Variants in RNASEH1 observed in about 807,000 individuals in gnomAD.
The protein encoded by RNASEH1 is ribonuclease H1.
A neutral mutation model predicts 34.6 loss-of-function variants in RNASEH1; 27 were observed. The ratio of observed to expected loss-of-function variants is 0.78; its 90% CI spans 0.58 to 1.08. RNASEH1 has a LOEUF of 1.08. Ranked by LOEUF, RNASEH1 falls within the 50% of genes least tolerant of loss-of-function variation. The probability of loss-of-function intolerance (pLI) is 0.00; values close to 1 mark genes in which losing one functional copy is unlikely to be tolerated. For synonymous variants in RNASEH1, 162 were observed against 138.4 expected (o/e 1.17, Z -1.20); for missense variants, 349 against 373.6 (o/e 0.93, Z 0.54).
chr2:3,557,672 C>A (rs1282134882), intron 1 of RNASEH1: 1 of 405,576 alleles, frequency 2.5e-6, no homozygotes, highest in Admixed American at 2.9e-5. Context: ...TAATCCCTCT[C>A]ACCTCCAAGG....
chr2:3,536,298 G>A, the RNASEH1 span, among the ~76,000 whole-genome samples: 1 of 152,194 alleles, frequency 6.6e-6, no homozygotes, highest in African/African-American at 2.4e-5. Flanking sequence ...GAGCTGACTC[G>A]GCTGCAGTTT....
intron 7 of RNASEH1, 147 bp from the exon 8 acceptor site, chr2:3,546,018 C>T (rs900911845): frequency 3.1e-6 from 2 of 645,370 alleles, no homozygotes; most frequent in African/African-American, 1.8e-5. Flanking sequence ...TGATCCTCAA[C>T]AGCACGCTGT....
rs1414213180 is a variant in RNASEH1, at chr2:3,541,934, C to T, written c.*3851G>A. ...TTGGGAGGCCAAGGAAGGAGGATCG[C>T]TTGAGGCCAGGAGTTTAAGACCAGC... is the stretch of plus-strand genomic sequence containing the variant. On this transcript the variant is annotated 3_prime_UTR_variant, in exon 8 of 8. Coordinates refer to ENST00000315212, the MANE Select transcript of RNASEH1 (RefSeq NM_002936.6). Among the ~76,000 whole-genome samples the T allele has an allele frequency of 6.6e-6, 1 of 152,200 alleles. No homozygotes were observed. Among genetic ancestry groups the T allele is most frequent in the Non-Finnish European group, 1.5e-5 (1 of 68,048 alleles).
At chr2:3,555,377 C>T (rs1299410550) in intron 2 of RNASEH1, among the ~76,000 whole-genome samples, 2 of 152,188 alleles carry the variant, frequency 1.3e-5, no homozygotes, top group African/African-American at 4.8e-5. Flanking sequence ...TAAGAACTGT[C>T]ACATCGATGA....
At chr2:3,531,930 C>T in the RNASEH1 span, 3 of 266,184 alleles carry the variant, frequency 1.1e-5, no homozygotes, top group Non-Finnish European at 2.2e-5. Flanking sequence ...GTTGTAGAAG[C>T]CCAAATACCA....
intron 4 of RNASEH1, chr2:3,550,154 A>G (rs1438226033): frequency 2.1e-6 from 1 of 465,674 alleles, no homozygotes; most frequent in African/African-American, 2.0e-5. Context: ...AAAAAAAAAA[A>G]AAAAAAAAAA....
At chr2:3,548,101 C>T (rs372627799) in intron 6 of RNASEH1, 46 bp from the exon 7 acceptor site, 203 of 1,608,494 alleles carry the variant, frequency 1.3e-4, no homozygotes, top group Non-Finnish European at 1.7e-4. Context: ...GAGTGTCCTG[C>T]CTTTTTCACC....
Position 3,558,262 on chromosome 2 carries a change from G to A in RNASEH1, c.-2C>T. On this transcript the variant is annotated 5_prime_UTR_variant, in exon 1 of 8. Transcript: ENST00000315212. ...GGCCAGGAACAGAAGCCAGCTCATCGCTCACTCCCGGCACCGGGAAGCATT... is the reference window on the plus strand; with the variant it reads ...GGCCAGGAACAGAAGCCAGCTCATCACTCACTCCCGGCACCGGGAAGCATT... 1.3e-6 allele frequency: 2 copies of A among 1,577,926 alleles called. No individual in the cohort carries two copies. Among genetic ancestry groups the A allele is most frequent in the Non-Finnish European group, 1.7e-6 (2 of 1,165,878 alleles).
chr2:3,550,602 T>G (rs1250616878), intron 3 of RNASEH1, 130 bp from the exon 4 acceptor site: 2 of 700,486 alleles, frequency 2.9e-6, no homozygotes, highest in Non-Finnish European at 2.6e-6. Flanking sequence ...ACGTTTTCTC[T>G]CTAGGAAAAC....
In RNASEH1 at chr2:3,544,203, C is replaced by T. The variant is rs1668538397; in HGVS notation, c.*1582G>A. Among the ~76,000 whole-genome samples, 1 of 152,228 alleles carries T rather than the reference C, an allele frequency of 6.6e-6. No individual in the cohort carries two copies. Among genetic ancestry groups the T allele is most frequent in the African/African-American group, 2.4e-5 (1 of 41,458 alleles). ...GGCACTGAGCATCAGCTGCCGTCAA[C>T]ATGGTACTTTCCTGAGGAAAGCTCC... On this transcript the variant is annotated 3_prime_UTR_variant, in exon 8 of 8. Transcript: ENST00000315212.
At chr2:3,536,667 C>T (rs1239056835), downstream of RNASEH1, 1 of 152,282 alleles carries the variant, frequency 6.6e-6, no homozygotes, top group Non-Finnish European at 1.5e-5. Context: ...TGAATAATGC[C>T]TCTTCACACC....
chr2:3,556,370 A>G (rs1660497992), intron 2 of RNASEH1, among the ~76,000 whole-genome samples: 1 of 149,706 alleles, frequency 6.7e-6, no homozygotes, highest in African/African-American at 2.5e-5. Flanking sequence ...CAGTGGTGCA[A>G]TCTCGGCTCA....
chr2:3,550,478 G>C lies in RNASEH1; in HGVS notation c.410-6C>G, dbSNP rs1335289371. On this transcript the variant is annotated splice_polypyrimidine_tract_variant and splice_region_variant and intron_variant, in intron 3 of 7. Coordinates refer to ENST00000315212, the MANE Select transcript of RNASEH1 (RefSeq NM_002936.6). ...GTAGACGACGACGAAGTCTCCTGTG[G>C]GAAAAGGAAGTACATGCTGCTGGGC... 1 of 1,609,826 alleles carries C rather than the reference G, an allele frequency of 6.2e-7. No individual in the cohort carries two copies. Among genetic ancestry groups the C allele is most frequent in the Admixed American group, 1.7e-5 (1 of 59,974 alleles).
rs767906431 is a variant in RNASEH1, at chr2:3,552,254, C to T, written c.299G>A (p.Arg100His). 29 of 1,613,890 alleles carry T rather than the reference C, an allele frequency of 1.8e-5. No homozygotes were observed. Among genetic ancestry groups the T allele is most frequent in the Middle Eastern group, 3.3e-4 (2 of 6,006 alleles). ...ESEAKASKRL[R>H]EPLDGDGHES... The stretch of plus-strand genomic sequence containing the variant: ...ATGTCCATCTCCATCCAGTGGCTCA[C>T]GGAGTCGCTTGCTGGCTTTCGCCTC... Residue 100 changes from arginine (R) to histidine (H), a missense_variant, in exon 3 of 8, where the codon CGT (arginine) becomes CAT (histidine). Physicochemically the swap from Arg to His is conservative, Grantham distance 29. This residue lies in a region of RNASEH1 where 256 missense variants were observed against 240.7 expected (regional missense o/e 1.06). Transcript: ENST00000315212.
At chr2:3,550,290 A>C in intron 4 of RNASEH1, 83 bp downstream of exon 4, 1 of 1,172,918 alleles carries the variant, frequency 8.5e-7, no homozygotes, top group Non-Finnish European at 1.3e-6. Flanking sequence ...TTTTCCCAAT[A>C]ATCAAACAAT....
chr2:3,549,346 G>A (rs763352465), intron 4 of RNASEH1, among the ~76,000 whole-genome samples: 6 of 152,192 alleles, frequency 3.9e-5, no homozygotes, highest in South Asian at 2.1e-4. Flanking sequence ...GGTTCTCTGC[G>A]GACCCTGGGT....
At chr2:3,549,155 A>ATG (rs908282116) in intron 4 of RNASEH1, 43 bp from the exon 5 acceptor site, 2 of 1,412,944 alleles carry the variant, frequency 1.4e-6, no homozygotes, top group Non-Finnish European at 2.0e-6. Context: ...TATAAAGTGA[A>ATG]TTCTCAAAGT....
rs982497791 is a variant in RNASEH1 at position 3,548,962 on chromosome 2, T to A, written c.564+96A>T. 14 of 1,034,206 alleles carry A rather than the reference T, an allele frequency of 1.4e-5. No homozygotes were observed. In the African/African-American group the frequency reaches 2.1e-4, roughly 16 times the overall value. 64.1% of individuals were successfully genotyped at this position (1,034,206 alleles called of 1,614,324 possible). A position where few individuals can be genotyped will look rare whatever the true frequency, so the allele number is the denominator to read the frequency against. ...TTAAACCCGTCTCTCTTCAAATATC[T>A]TATATGTATAGGTAGAAAAAAAAAG... On this transcript the variant is annotated intron_variant, in intron 5 of 7. Transcript: ENST00000315212.
At chr2:3,545,954 T>C in intron 7 of RNASEH1, 83 bp from the exon 8 acceptor site, 2 of 985,576 alleles carry the variant, frequency 2.0e-6, no homozygotes, top group Non-Finnish European at 3.2e-6. Flanking sequence ...TAAAAAACCA[T>C]TCAGAACAGA....
Sources: allele counts gnomAD v4.1 joint callset (sites outside exome capture counted in the v4.1 genomes callset), GRCh38; gene constraint gnomAD v4.1.1; regional missense constraint gnomAD v4.1.1; transcripts MANE v1.5; gene names NCBI Gene and HGNC (gene_info 2026-07-23, HGNC 2026-07-21).